The following PRDM2 variants were observed in gnomAD, a reference collection of about 807,000 sequenced individuals.
The protein encoded by PRDM2 is PR/SET domain 2.
A neutral mutation model predicts 130.0 loss-of-function variants in PRDM2; 30 were observed. The observed-to-expected ratio is 0.23, with a 90% CI of 0.17 to 0.31. The LOEUF (loss-of-function observed/expected upper bound fraction) is 0.31, where lower values mean the gene tolerates loss of function less well. Ranked by LOEUF, PRDM2 falls within the 10% of genes least tolerant of loss-of-function variation. PRDM2 has a pLI of 1.00. For missense variants in PRDM2, 2,011 were observed against 2,108.4 expected, an observed-to-expected ratio of 0.95 and a Z score of 0.90; for synonymous variants, 871 against 782.4, an observed-to-expected ratio of 1.11 and a Z score of -1.89.
At chr1:13,757,165 C>T (rs1308632976) in intron 6 of PRDM2, among the ~76,000 whole-genome samples, 1 of 152,220 alleles carries the variant, frequency 6.6e-6, no homozygotes, top group Admixed American at 6.5e-5. Context: ...ACACCTTCAG[C>T]TGTTTTTGCT....
At chr1:13,727,415 C>G (rs765183695) in intron 2 of PRDM2, among the ~76,000 whole-genome samples, 14 of 152,022 alleles carry the variant, frequency 9.2e-5, no homozygotes, top group Non-Finnish European at 2.9e-5. Context: ...CCACCACGCC[C>G]AGCTAATTTT....
chr1:13,735,991 A>G (rs1168544024), intron 4 of PRDM2, among the ~76,000 whole-genome samples: 1 of 152,068 alleles, frequency 6.6e-6, no homozygotes, highest in East Asian at 1.9e-4. Context: ...TACAACCTAT[A>G]TGTAGAAATT....
At chr1:13,721,815 A>G (rs1642738026) in intron 2 of PRDM2, among the ~76,000 whole-genome samples, 1 of 152,178 alleles carries the variant, frequency 6.6e-6, no homozygotes, top group African/African-American at 2.4e-5. Flanking sequence ...GATGCCCTCT[A>G]ACTCACTCTC....
At chr1:13,703,459 G>A (rs1642124319) in intron 1 of PRDM2, among the ~76,000 whole-genome samples, 1 of 152,222 alleles carries the variant, frequency 6.6e-6, no homozygotes, top group African/African-American at 2.4e-5. Context: ...AGAACTGTAA[G>A]GATAGACTAG....
rs1385236098 is a variant in PRDM2, at chr1:13,712,500, ACTTT to A, written c.-65-3031_-65-3028del. ...AAAACCTCAGTGCCATCCCTGACTG[ACTTT>A]CTTTCTTTCATGCCTAAGATCTAAA... On this transcript the variant is annotated intron_variant, in intron 1 of 9. Transcript: ENST00000311066. Among the ~76,000 whole-genome samples the A allele has an allele frequency of 3.3e-5, 5 of 152,162 alleles. No individual in the cohort carries two copies. In the East Asian group the frequency reaches 7.7e-4, roughly 23 times the overall value.
rs928641839 is a variant in PRDM2, at chr1:13,771,454, G to A, written c.512-1624G>A. On this transcript the variant is annotated intron_variant, in intron 6 of 9. Transcript: ENST00000311066. This position sits in a 1 kb window ranked among gnomAD's most constrained non-coding sequence, Gnocchi z 4.1. ...GGCTGAAGAATTAGGTATGTAGGCCGGGCACGGTGGCTCATGCCTGTAATC... is the reference window on the plus strand; with the variant it reads ...GGCTGAAGAATTAGGTATGTAGGCCAGGCACGGTGGCTCATGCCTGTAATC... Among the ~76,000 whole-genome samples the A allele has an allele frequency of 2.0e-5, 3 of 152,204 alleles. No homozygotes were observed. The highest frequency in any genetic ancestry group is 2.9e-5 in the Non-Finnish European group (2 of 68,030).
chr1:13,797,212 A>AT (rs1355280234), intron 8 of PRDM2, among the ~76,000 whole-genome samples: 1 of 152,158 alleles, frequency 6.6e-6, no homozygotes, highest in Non-Finnish European at 1.5e-5. Flanking sequence ...TGGATTCAGG[A>AT]TGTTACTCTG....
intron 8 of PRDM2, among the ~76,000 whole-genome samples, chr1:13,814,531 C>T (rs553108291): frequency 6.6e-6 from 1 of 152,352 alleles, no homozygotes; most frequent in South Asian, 2.1e-4. Context: ...AACATTGACA[C>T]TGTCAGCATT....
intron 2 of PRDM2, among the ~76,000 whole-genome samples, chr1:13,725,665 C>A (rs1642888621): frequency 6.6e-6 from 1 of 151,758 alleles, no homozygotes; most frequent in South Asian, 2.1e-4. Context: ...ATTAAACAAT[C>A]ACACATTTCA....
chr1:13,702,234 T>C (rs1020025715), intron 1 of PRDM2, among the ~76,000 whole-genome samples: 4 of 152,210 alleles, frequency 2.6e-5, no homozygotes, highest in Non-Finnish European at 1.5e-5. Flanking sequence ...GTATATTGTT[T>C]GCAACCTGTC....
chr1:13,700,368 CGCGGCGGCGACG>C lies in PRDM2; in HGVS notation c.-66+80_-66+91del, dbSNP rs572211615. ...GACGCTGGTCCCTCCCCCCGAGGAG[CGCGGCGGCGACG>C]GCGGCGGCGACACGCTGGGGACCCG... On this transcript the variant is annotated intron_variant, in intron 1 of 9. Transcript: ENST00000311066. 262 of 149,032 alleles carry C rather than the reference CGCGGCGGCGACG, an allele frequency of 1.8e-3. 2 individuals carry two copies. In the East Asian group the frequency reaches 0.042, roughly 24 times the overall value. The allele number at this position is 149,032 out of a possible 1,614,324, so 9.2% of individuals were successfully genotyped here.
intron 4 of PRDM2, among the ~76,000 whole-genome samples, chr1:13,740,627 A>G (rs185710369): frequency 0.017 from 2,563 of 149,268 alleles, 40 homozygotes; most frequent in South Asian, 0.085. Flanking sequence ...CTTTATGACA[A>G]TTAAACAGGT....
At chr1:13,755,999 C>A (rs1271306672) in intron 6 of PRDM2, among the ~76,000 whole-genome samples, 1 of 151,672 alleles carries the variant, frequency 6.6e-6, no homozygotes, top group Non-Finnish European at 1.5e-5. Context: ...CACCTGTAAT[C>A]CCAGCGCTTT....
chr1:13,702,052 G>A (rs1642087890), intron 1 of PRDM2, among the ~76,000 whole-genome samples: 1 of 152,138 alleles, frequency 6.6e-6, no homozygotes, highest in African/African-American at 2.4e-5. Flanking sequence ...AAAGCACAAA[G>A]AAGAAACAGA....
intron 5 of PRDM2, among the ~76,000 whole-genome samples, chr1:13,748,166 A>G (rs1028725636): frequency 3.3e-5 from 5 of 152,252 alleles, no homozygotes; most frequent in Admixed American, 2.6e-4. Context: ...CAGGAGACAT[A>G]TGATGTTGGT....
chr1:13,819,432 C>T (rs577254481), intron 9 of PRDM2, among the ~76,000 whole-genome samples: 2 of 152,300 alleles, frequency 1.3e-5, no homozygotes, highest in Admixed American at 6.5e-5. Flanking sequence ...TCTGTTTGCT[C>T]ACCAACAACG....
At chr1:13,715,282 G>A (rs1460681208) in intron 1 of PRDM2, among the ~76,000 whole-genome samples, 1 of 152,216 alleles carries the variant, frequency 6.6e-6, no homozygotes, top group Non-Finnish European at 1.5e-5. Context: ...CAGTTCCAAA[G>A]CAAAGATTTG....
chr1:13,811,360 G>A (rs1645170138), intron 8 of PRDM2, among the ~76,000 whole-genome samples: 1 of 152,164 alleles, frequency 6.6e-6, no homozygotes, highest in Non-Finnish European at 1.5e-5. Context: ...TAACCCACAG[G>A]AAGCATCCTG....
At position 13,749,353 on chromosome 1, in the gene PRDM2, C is replaced by A; in HGVS notation, c.385-8C>A. On this transcript the variant is annotated splice_polypyrimidine_tract_variant and splice_region_variant and intron_variant, in intron 5 of 9. Coordinates refer to ENST00000311066, the MANE Select transcript of PRDM2 (RefSeq NM_001393986.1). The stretch of plus-strand genomic sequence containing the variant: ...TTGGCCCGGCGCTTGTCTCTTCTCT[C>A]CCCGCAGCCAATCGCGCCGGGCGAG... The A allele has an allele frequency of 6.7e-7, 1 of 1,485,150 alleles. No homozygotes were observed. The highest frequency in any genetic ancestry group is 2.2e-4 in the Middle Eastern group (1 of 4,462). 92.0% of individuals were successfully genotyped at this position (1,485,150 alleles called of 1,614,324 possible).
Sources: allele counts gnomAD v4.1 joint callset (sites outside exome capture counted in the v4.1 genomes callset), GRCh38; gene constraint gnomAD v4.1.1; non-coding constraint Gnocchi (gnomAD v3.1); transcripts MANE v1.5; gene names NCBI Gene and HGNC (gene_info 2026-07-23, HGNC 2026-07-21).